Variants in VCAN observed in about 807,000 individuals in gnomAD.
VCAN encodes versican core protein.
A neutral mutation model predicts 245.5 loss-of-function variants in VCAN; 44 were observed. The ratio of observed to expected loss-of-function variants is 0.18; its 90% CI spans 0.14 to 0.23. The LOEUF (loss-of-function observed/expected upper bound fraction) is 0.23, where lower values mean the gene tolerates loss of function less well. VCAN is among the 10% of genes least tolerant of loss of function. The probability of loss-of-function intolerance (pLI) is 1.00; values close to 1 mark genes in which losing one functional copy is unlikely to be tolerated. For synonymous variants in VCAN, 1,413 were observed against 1,437.0 expected, an observed-to-expected ratio of 0.98 and a Z score of 0.38; for missense variants, 3,793 against 4,057.9, an observed-to-expected ratio of 0.93 and a Z score of 1.77.
At chr5:83,487,421 G>A (rs1206542015) in intron 2 of VCAN, among the ~76,000 whole-genome samples, 2 of 152,102 alleles carry the variant, frequency 1.3e-5, no homozygotes, top group African/African-American at 4.8e-5. Flanking sequence ...TGTTTTGTTA[G>A]GATTCATTTT....
intron 4 of VCAN, 34 bp from the exon 5 acceptor site, chr5:83,493,770 G>GA: frequency 6.2e-7 from 1 of 1,614,118 alleles, no homozygotes; most frequent in Non-Finnish European, 8.5e-7. Flanking sequence ...AGAGTGAGAA[G>GA]AAAGTGCCAC....
Position 83,542,024 on chromosome 5 carries a change from T to C in VCAN, c.9021T>C (p.Ser3007=). 6.2e-7 allele frequency: 1 copy of C among 1,610,042 alleles called. No homozygotes were observed. ...CTGAGAGGCCCACGCTTTCTTCTTC[T>C]CCAGAAATAAACCCTGAAACTCAAG... ...QTSERPTLSS[S]PEINPETQAA... The change falls in exon 8 of 15, where the codon TCT becomes TCC. Residue 3007 remains serine (S), a synonymous_variant. Transcript: ENST00000265077.
At chr5:83,528,838 C>T (rs997740294) in intron 7 of VCAN, among the ~76,000 whole-genome samples, 2 of 151,992 alleles carry the variant, frequency 1.3e-5, no homozygotes, top group Non-Finnish European at 2.9e-5. Flanking sequence ...GTCAGTCTCT[C>T]CTTTGCTTAT....
chr5:83,518,098 AG>A (rs2112403340), intron 6 of VCAN, among the ~76,000 whole-genome samples: 1 of 152,336 alleles, frequency 6.6e-6, no homozygotes, highest in Non-Finnish European at 1.5e-5. Flanking sequence ...ACCTCTTTTC[AG>A]GGCAAACAAG....
intron 12 of VCAN, among the ~76,000 whole-genome samples, chr5:83,566,542 G>T (rs1413580713): frequency 1.3e-5 from 2 of 152,100 alleles, no homozygotes; most frequent in Non-Finnish European, 2.9e-5. Flanking sequence ...TAGATTGTTG[G>T]TAACTTTCAA....
rs753459668 is a variant in VCAN, at chr5:83,537,814, T to C, written c.4811T>C (p.Ile1604Thr). ...YVSEEEAVTL[I>T]GNPWPDDLLS... is the part of the protein sequence containing the mutation. ...TCAGAGGAAGAAGCAGTTACCCTAATAGGAAATCCTTGGCCAGATGACCTG... is the reference window on the plus strand; with the variant it reads ...TCAGAGGAAGAAGCAGTTACCCTAACAGGAAATCCTTGGCCAGATGACCTG... The change falls in exon 8 of 15, where the codon ATA becomes ACA. Residue 1604 changes from isoleucine (I) to threonine (T), a missense_variant. By Grantham distance (89) the Ile-to-Thr change is moderately conservative. This residue lies in a region of VCAN where 3,182 missense variants were observed against 3,250.3 expected (regional missense o/e 0.98). Transcript: ENST00000265077. 3 of 1,613,988 alleles carry C rather than the reference T, an allele frequency of 1.9e-6. No individual in the cohort carries two copies. Among genetic ancestry groups the C allele is most frequent in the East Asian group, 4.5e-5 (2 of 44,868 alleles).
At chr5:83,572,335 T>C in intron 12 of VCAN, 81 bp from the exon 13 acceptor site, 3 of 1,527,176 alleles carry the variant, frequency 2.0e-6, no homozygotes, top group Non-Finnish European at 2.7e-6. Flanking sequence ...CTATTCCAAT[T>C]AGATTGTGAT....
Position 83,540,338 on chromosome 5 carries a change from T to A in VCAN, c.7335T>A (p.Ser2445=). ...ATATTGTTGATTCATTTCACACTTC[T>A]GCAACTACTCAGGCAACCAGACAAG... is the stretch of plus-strand genomic sequence containing the variant. The part of the protein sequence containing the change: ...EVDIVDSFHT[S]ATTQATRQES... The change falls in exon 8 of 15, where the codon TCT becomes TCA. Residue 2445 remains serine, a synonymous_variant. Coordinates refer to ENST00000265077, the MANE Select transcript of VCAN (RefSeq NM_004385.5). 6.2e-7 allele frequency: 1 copy of A among 1,614,118 alleles called. No individual in the cohort carries two copies. Among genetic ancestry groups the A allele is most frequent in the Non-Finnish European group, 8.5e-7 (1 of 1,179,994 alleles).
chr5:83,536,168 A>G (rs1181249784), intron 7 of VCAN: 1 of 152,176 alleles, frequency 6.6e-6, no homozygotes, highest in Non-Finnish European at 1.5e-5. Flanking sequence ...GAATATTTAG[A>G]TAGGACTCCT....
At chr5:83,578,149 C>T (rs1256158811) in intron 13 of VCAN, among the ~76,000 whole-genome samples, 1 of 151,982 alleles carries the variant, frequency 6.6e-6, no homozygotes, top group African/African-American at 2.4e-5. Flanking sequence ...TACGATGCAG[C>T]CATAAAAAGG....
chr5:83,490,479 C>G lies in VCAN; in HGVS notation c.445+7C>G. 1 of 1,613,664 alleles carries G rather than the reference C, an allele frequency of 6.2e-7. No individual in the cohort carries two copies. The highest frequency in any genetic ancestry group is 8.5e-7 in the Non-Finnish European group (1 of 1,179,962). On this transcript the variant is annotated splice_region_variant and intron_variant, in intron 3 of 14. Coordinates refer to ENST00000265077, the MANE Select transcript of VCAN (RefSeq NM_004385.5). ...GTGTCACTGACTGTGGATGGTAAGG[C>G]TTTTATTATCTGCAAGAAGGTAGTA...
chr5:83,578,096 A>G (rs6893534), intron 13 of VCAN, among the ~76,000 whole-genome samples: 5,066 of 152,206 alleles, frequency 0.033, 258 homozygotes, highest in African/African-American at 0.11. Flanking sequence ...GGACCCTAGT[A>G]TAGGCTTTCC....
At chr5:83,551,050 T>C (rs921004438) in intron 10 of VCAN, among the ~76,000 whole-genome samples, 1 of 151,814 alleles carries the variant, frequency 6.6e-6, no homozygotes, top group African/African-American at 2.4e-5. Context: ...AGTTTGGTTT[T>C]AACAGAAACC....
chr5:83,555,809 G>A (rs954943283), intron 12 of VCAN, among the ~76,000 whole-genome samples: 2 of 152,130 alleles, frequency 1.3e-5, no homozygotes, highest in Admixed American at 6.6e-5. Context: ...ACCTCTAGCC[G>A]CTGTATTTTC....
chr5:83,537,171 G>A lies in VCAN; in HGVS notation c.4168G>A (p.Glu1390Lys). The A allele has an allele frequency of 6.2e-7, 1 of 1,610,876 alleles. No homozygotes were observed. Among genetic ancestry groups the A allele is most frequent in the Non-Finnish European group, 8.5e-7 (1 of 1,177,860 alleles). Residue 1390 changes from glutamate (E) to lysine (K), a missense_variant, in exon 8 of 15, where the codon GAA (glutamate) becomes AAA (lysine). This residue lies in a region of VCAN where 3,182 missense variants were observed against 3,250.3 expected (regional missense o/e 0.98). Coordinates refer to ENST00000265077, the MANE Select transcript of VCAN (RefSeq NM_004385.5). ...AGACCTATACCACAGTGAAGAAAAT[G>A]AAGAAGAAGAAGAAGAGTGTGCAAA... ...EIDLYHSEEN[E>K]EEEEECANAT... is the part of the protein sequence containing the mutation.
chr5:83,492,362 T>C (rs1289798923), intron 3 of VCAN, among the ~76,000 whole-genome samples: 1 of 152,140 alleles, frequency 6.6e-6, no homozygotes, highest in Non-Finnish European at 1.5e-5. Context: ...TTATCCCAAA[T>C]AACAACAACA....
Position 83,540,510 on chromosome 5 carries a change from A to G in VCAN, c.7507A>G (p.Thr2503Ala). 1 of 1,613,976 alleles carries G rather than the reference A, an allele frequency of 6.2e-7. No individual in the cohort carries two copies. ...GCAGAACAAAAGCTCCCCTGATCCA[A>G]CTAGCACACTGTCAAATACAGTGTC... is the stretch of plus-strand genomic sequence containing the variant. ...SEQNKSSPDP[T>A]STLSNTVSYE... Residue 2503 changes from threonine (T) to alanine (A), a missense_variant, in exon 8 of 15, where the codon ACT becomes GCT. Physicochemically the swap from Thr to Ala is moderately conservative, Grantham distance 58. This residue lies in a region of VCAN where 3,182 missense variants were observed against 3,250.3 expected (regional missense o/e 0.98). Transcript: ENST00000265077.
chr5:83,546,181 C>G (rs1181461916), intron 9 of VCAN, among the ~76,000 whole-genome samples: 1 of 151,728 alleles, frequency 6.6e-6, no homozygotes, highest in Non-Finnish European at 1.5e-5. Context: ...TCTTTTGGTT[C>G]CAAGGAATAT....
chr5:83,555,454 T>C (rs1223701446), intron 12 of VCAN, among the ~76,000 whole-genome samples: 1 of 152,230 alleles, frequency 6.6e-6, no homozygotes, highest in African/African-American at 2.4e-5. Flanking sequence ...ATGACTCATT[T>C]CCAAGCAAAA....
Sources: allele counts gnomAD v4.1 joint callset (sites outside exome capture counted in the v4.1 genomes callset), GRCh38; gene constraint gnomAD v4.1.1; regional missense constraint gnomAD v4.1.1; transcripts MANE v1.5; gene names NCBI Gene and HGNC (gene_info 2026-07-23, HGNC 2026-07-21).